PLOD2: variants seen among roughly 807,000 people sequenced by gnomAD.
The protein encoded by PLOD2 is lysine hydroxylase 2.
A neutral mutation model predicts 101.0 loss-of-function variants in PLOD2; 65 were observed. That is an observed-to-expected ratio of 0.64 (90% CI 0.53 to 0.79). The LOEUF is 0.79. Ranked by LOEUF, PLOD2 falls within the 30% of genes least tolerant of loss-of-function variation. PLOD2 has a pLI of 0.00. For synonymous variants in PLOD2, 314 were observed against 302.9 expected (o/e 1.04, Z -0.38); for missense variants, 909 against 914.6 (o/e 0.99, Z 0.08).
At chr3:146,146,118 A>G (rs766832074) in intron 1 of PLOD2, among the ~76,000 whole-genome samples, 2 of 152,158 alleles carry the variant, frequency 1.3e-5, no homozygotes, top group Non-Finnish European at 2.9e-5. Flanking sequence ...AGTATTCAAC[A>G]TGCTTAGAAC....
Position 146,121,148 on chromosome 3 carries a change from G to C in PLOD2, c.302C>G (p.Ala101Gly), listed in dbSNP as rs2108091396. 2 of 1,607,946 alleles carry C rather than the reference G, an allele frequency of 1.2e-6. No homozygotes were observed. The highest frequency in any genetic ancestry group is 2.2e-5 in the East Asian group (1 of 44,794). Reference protein sequence around the residue: ...RLMKEVMEHYADQDDLVVMFT... With the variant: ...RLMKEVMEHYGDQDDLVVMFT... The stretch of plus-strand genomic sequence containing the variant: ...CATGACAACCAGATCATCTTGATCA[G>C]CATAGTGTTCCATGACTTCTTTCAT... The change falls in exon 3 of 20, where the codon GCT (alanine) becomes GGT (glycine). Residue 101 changes from alanine (A) to glycine (G), a missense_variant. Coordinates refer to ENST00000282903, the MANE Select transcript of PLOD2 (RefSeq NM_182943.3).
chr3:146,093,883 T>A lies in PLOD2; in HGVS notation c.778-1982A>T, dbSNP rs550308037. Among the ~76,000 whole-genome samples the A allele has an allele frequency of 5.9e-5, 9 of 152,346 alleles. No individual in the cohort carries two copies. In the East Asian group the frequency reaches 1.7e-3, roughly 29 times the overall value. On this transcript the variant is annotated intron_variant, in intron 7 of 19. Transcript: ENST00000282903. ...TTCGGAATTAAACTTGTCACTTTCCTACCCTCTGCTTTTTATCTCAATTTG... is the reference window on the plus strand; with the variant it reads ...TTCGGAATTAAACTTGTCACTTTCCAACCCTCTGCTTTTTATCTCAATTTG...
At chr3:146,156,433 A>T (rs1192277632) in intron 1 of PLOD2, among the ~76,000 whole-genome samples, 1 of 152,248 alleles carries the variant, frequency 6.6e-6, no homozygotes, top group Non-Finnish European at 1.5e-5. Flanking sequence ...TAAGTAAACA[A>T]ATGAATGTGG....
intron 1 of PLOD2, among the ~76,000 whole-genome samples, chr3:146,130,675 A>G (rs996990886): frequency 1.3e-5 from 2 of 152,232 alleles, no homozygotes; most frequent in Admixed American, 6.5e-5. Flanking sequence ...GTTAAACTCC[A>G]GTAAAGTAAT....
intron 1 of PLOD2, among the ~76,000 whole-genome samples, chr3:146,139,259 C>T (rs2031402412): frequency 6.6e-6 from 1 of 152,048 alleles, no homozygotes; most frequent in Admixed American, 6.6e-5. Flanking sequence ...TTTCATAAGA[C>T]TAATCTTAAA....
chr3:146,155,441 G>T (rs931170808), intron 1 of PLOD2, among the ~76,000 whole-genome samples: 1 of 151,898 alleles, frequency 6.6e-6, no homozygotes, highest in Non-Finnish European at 1.5e-5. Flanking sequence ...GGCCAGGCGC[G>T]GTGGCTCACA....
chr3:146,111,038 T>C (rs1380097634), intron 3 of PLOD2, among the ~76,000 whole-genome samples: 2 of 18,812 alleles, frequency 1.1e-4, no homozygotes, highest in African/African-American at 4.1e-4. Context: ...CACTATAATT[T>C]AATTTTTGTA....
At position 146,106,619 on chromosome 3, in the gene PLOD2, G is replaced by C. The variant is rs758503433; in HGVS notation, c.528C>G (p.Val176=). ...GATTCCATTGTTGAACTATACGGTT[G>C]ACATATGGAGCATAGCCAATAAATC... The part of the protein sequence containing the change: ...SGGFIGYAPY[V]NRIVQQWNLQ... Residue 176 remains valine (V), a synonymous_variant, in exon 5 of 20, where the codon GTC becomes GTG. Coordinates refer to ENST00000282903, the MANE Select transcript of PLOD2 (RefSeq NM_182943.3). 1 of 1,575,726 alleles carries C rather than the reference G, an allele frequency of 6.3e-7. No individual in the cohort carries two copies. The highest frequency in any genetic ancestry group is 1.1e-5 in the South Asian group (1 of 90,270).
At chr3:146,081,565 T>TA (rs1936541165) in intron 12 of PLOD2, among the ~76,000 whole-genome samples, 173 bp downstream of exon 12, 2 of 152,166 alleles carry the variant, frequency 1.3e-5, no homozygotes, top group South Asian at 4.1e-4. Flanking sequence ...AACATTTTTT[T>TA]AAGATATTAG....
At position 146,070,464 on chromosome 3, in the gene PLOD2, A is replaced by T; in HGVS notation, c.*253T>A. The stretch of plus-strand genomic sequence containing the variant: ...TAAATTGTCATTATTCTCAGAGGCA[A>T]CAAAGCATAGAAATAAATATTTAAG... On this transcript the variant is annotated 3_prime_UTR_variant, in exon 20 of 20. Transcript: ENST00000282903. 3.9e-6 allele frequency: 1 copy of T among 255,518 alleles called. No individual in the cohort carries two copies. Among genetic ancestry groups the T allele is most frequent in the Non-Finnish European group, 7.4e-6 (1 of 135,056 alleles). 15.8% of individuals were successfully genotyped at this position (255,518 alleles called of 1,614,324 possible).
rs559319515 is a variant in PLOD2 at position 146,107,100 on chromosome 3, G to A, written c.503-456C>T. On this transcript the variant is annotated intron_variant, in intron 4 of 19. Transcript: ENST00000282903. ...TGGTTTTACTGTCAGTGCCAGAGAT[G>A]CTAATGCAATCAAACGAATGCTGGA... Among the ~76,000 whole-genome samples the A allele has an allele frequency of 2.6e-5, 4 of 152,176 alleles. No homozygotes were observed. In the East Asian group the frequency reaches 7.7e-4, roughly 29 times the overall value.
In PLOD2 at chr3:146,106,581, T is replaced by C; in HGVS notation, c.566A>G (p.Asp189Gly). The C allele has an allele frequency of 6.3e-7, 1 of 1,598,960 alleles. No individual in the cohort carries two copies. ...IVQQWNLQDN[D>G]DDQLFYTKVY... Reference sequence around the variant, plus strand: ...TTTAGTGTAAAAGAGCTGATCATCATCATTATCCTGGAGATTCCATTGTTG... The same window carrying C: ...TTTAGTGTAAAAGAGCTGATCATCACCATTATCCTGGAGATTCCATTGTTG... Residue 189 changes from aspartate (D) to glycine (G), a missense_variant, in exon 5 of 20, where the codon GAT becomes GGT. Coordinates refer to ENST00000282903, the MANE Select transcript of PLOD2 (RefSeq NM_182943.3).
intron 12 of PLOD2, among the ~76,000 whole-genome samples, chr3:146,080,936 T>C (rs1936518885): frequency 1.3e-5 from 2 of 152,114 alleles, no homozygotes; most frequent in African/African-American, 4.8e-5. Flanking sequence ...ACTCAACTGT[T>C]TGAACAGAAA....
intron 1 of PLOD2, among the ~76,000 whole-genome samples, chr3:146,148,338 G>GCACGCACACACACACACACACACACA (rs1553742438): frequency 6.8e-5 from 10 of 146,448 alleles, no homozygotes; most frequent in African/African-American, 1.3e-4. Context: ...AGGCAGGCAC[G>GCACGCACACACACACACACACACACA]CACACACACA....
intron 5 of PLOD2, among the ~76,000 whole-genome samples, chr3:146,104,656 T>C (rs899329797): frequency 1.3e-5 from 2 of 152,130 alleles, no homozygotes; most frequent in Non-Finnish European, 2.9e-5. Flanking sequence ...TATTGGTAAA[T>C]ATGATAAAAG....
rs564103450 is a variant in PLOD2 at position 146,132,118 on chromosome 3, CA to C, written c.110-7890del. Among the ~76,000 whole-genome samples the C allele has an allele frequency of 4.5e-4, 68 of 152,270 alleles. 2 individuals are homozygous for C. The Middle Eastern group carries it at 0.037, about 84-fold the overall frequency. On this transcript the variant is annotated intron_variant, in intron 1 of 19. Transcript: ENST00000282903. ...CTGGGCTTCCACAGCCCACTCTGGACAATGAACAGACAAACCACAAATTAAG... is the reference window on the plus strand; with the variant it reads ...CTGGGCTTCCACAGCCCACTCTGGACATGAACAGACAAACCACAAATTAAG...
At chr3:146,156,295 T>C (rs1329657449) in intron 1 of PLOD2, among the ~76,000 whole-genome samples, 1 of 152,154 alleles carries the variant, frequency 6.6e-6, no homozygotes, top group Non-Finnish European at 1.5e-5. Flanking sequence ...GAATGTCATC[T>C]CCTAAGGCAA....
In PLOD2 at chr3:146,077,917, T is replaced by C. The variant is rs754936346; in HGVS notation, c.1508A>G (p.Gln503Arg). ...CGGAGTAGGGGAGTCTTTTTCCCTT[T>C]GTAAAGTCTAAAATGAAGAGAAGCA... Reference protein sequence around the residue: ...LCRNAREMTLQREKDSPTPET... With the variant: ...LCRNAREMTLRREKDSPTPET... Residue 503 changes from glutamine (Q) to arginine (R), a missense_variant, in exon 14 of 20, where the codon CAA becomes CGA. Physicochemically the swap from Gln to Arg is conservative, Grantham distance 43. Coordinates refer to ENST00000282903, the MANE Select transcript of PLOD2 (RefSeq NM_182943.3). 1.9e-6 allele frequency: 3 copies of C among 1,591,042 alleles called. No homozygotes were observed. Among genetic ancestry groups the C allele is most frequent in the Non-Finnish European group, 1.7e-6 (2 of 1,159,512 alleles).
At chr3:146,110,470 T>G in intron 3 of PLOD2, 22 bp from the exon 4 acceptor site, 1 of 1,498,250 alleles carries the variant, frequency 6.7e-7, no homozygotes, top group Non-Finnish European at 8.9e-7. Context: ...GGAAAAAATG[T>G]GTTTTAAAAT....
Sources: allele counts gnomAD v4.1 joint callset (sites outside exome capture counted in the v4.1 genomes callset), GRCh38; gene constraint gnomAD v4.1.1; transcripts MANE v1.5; gene names NCBI Gene and HGNC (gene_info 2026-07-23, HGNC 2026-07-21).